PTK2B: variants seen among roughly 807,000 people sequenced by gnomAD.
PTK2B encodes the protein protein tyrosine kinase 2 beta.
PTK2B carries 71 observed loss-of-function variants against 142.9 expected under a neutral mutation model. That is an observed-to-expected ratio of 0.50 (90% CI 0.41 to 0.61). The LOEUF (loss-of-function observed/expected upper bound fraction) is 0.61, where lower values mean the gene tolerates loss of function less well. PTK2B is among the 20% of genes least tolerant of loss of function. PTK2B has a pLI of 0.00. For missense variants in PTK2B, 1,105 were observed against 1,320.4 expected, an observed-to-expected ratio of 0.84 and a Z score of 2.53; for synonymous variants, 519 against 503.4, an observed-to-expected ratio of 1.03 and a Z score of -0.42.
intron 1 of PTK2B, among the ~76,000 whole-genome samples, chr8:27,331,611 C>A (rs538088495): frequency 6.6e-6 from 1 of 152,018 alleles, no homozygotes; most frequent in Admixed American, 6.5e-5. Context: ...CTCAGCTTCC[C>A]GAGTAGCTGA....
chr8:27,383,307 T>C (rs1807142779), intron 1 of PTK2B, among the ~76,000 whole-genome samples: 1 of 152,092 alleles, frequency 6.6e-6, no homozygotes, highest in African/African-American at 2.4e-5. Flanking sequence ...AGTGCTGTGG[T>C]GCAATCGTGG....
At chr8:27,456,644 A>G (rs1812158712) in intron 30 of PTK2B, among the ~76,000 whole-genome samples, 1 of 152,220 alleles carries the variant, frequency 6.6e-6, no homozygotes, top group Non-Finnish European at 1.5e-5. Flanking sequence ...TTAAATCAAA[A>G]GCTAGAAATG....
At chr8:27,353,179 A>G (rs1321969090) in intron 1 of PTK2B, among the ~76,000 whole-genome samples, 1 of 152,208 alleles carries the variant, frequency 6.6e-6, no homozygotes, top group Non-Finnish European at 1.5e-5. Flanking sequence ...AGCGTCCACT[A>G]CAGAAGAGAC....
At chr8:27,377,934 T>C (rs73681111) in intron 1 of PTK2B, among the ~76,000 whole-genome samples, 170 of 152,286 alleles carry the variant, frequency 1.1e-3, no homozygotes, top group African/African-American at 4.0e-3. Context: ...AAGGGATTAC[T>C]TGAAAGCTAG....
chr8:27,453,593 G>A (rs1436964148), intron 28 of PTK2B, among the ~76,000 whole-genome samples: 1 of 152,204 alleles, frequency 6.6e-6, no homozygotes, highest in Non-Finnish European at 1.5e-5. Flanking sequence ...GAAACTCTCT[G>A]CATAGGCCAG....
Position 27,420,659 on chromosome 8 carries a change from A to G in PTK2B, c.386A>G (p.Tyr129Cys), listed in dbSNP as rs1472455315. 1.2e-6 allele frequency: 2 copies of G among 1,613,658 alleles called. No homozygotes were observed. The highest frequency in any genetic ancestry group is 1.7e-5 in the Admixed American group (1 of 60,030). The change falls in exon 4 of 31, where the codon TAT becomes TGT. Residue 129 changes from tyrosine to cysteine, a missense_variant and splice_region_variant. Tyr to Cys is a radical substitution (Grantham distance 194, BLOSUM62 -2). Transcript: ENST00000346049. ...ECLHVEAEWRYDLQIRYLPED... is the reference protein window; with the variant it reads ...ECLHVEAEWRCDLQIRYLPED... ...AGAGCCTGAATGTCTTGTTGCAGGT[A>G]TGACCTTCAAATCCGCTACTTGCCA...
chr8:27,430,795 A>C, intron 7 of PTK2B, 81 bp from the exon 8 acceptor site: 2 of 1,527,810 alleles, frequency 1.3e-6, no homozygotes, highest in Middle Eastern at 1.8e-4. Flanking sequence ...AGCAGTGGGC[A>C]GTCTCTCAGC....
At chr8:27,444,390 G>T (rs1811340124) in intron 23 of PTK2B, 119 bp downstream of exon 23, 2 of 1,127,172 alleles carry the variant, frequency 1.8e-6, no homozygotes, top group Non-Finnish European at 1.3e-6. Context: ...GATGGCCTAG[G>T]TTGACTCTTC....
intron 24 of PTK2B, 63 bp downstream of exon 24, chr8:27,445,982 G>A (rs1035008361): frequency 3.9e-5 from 62 of 1,599,410 alleles, no homozygotes; most frequent in East Asian, 6.7e-5. Flanking sequence ...GGAGGTGGCC[G>A]GGGACACTGG....
At chr8:27,439,462 G>A in intron 20 of PTK2B, 64 bp downstream of exon 20, 1 of 1,524,784 alleles carries the variant, frequency 6.6e-7, no homozygotes, top group South Asian at 1.1e-5. Context: ...CCAGGCTAAG[G>A]GGGTGGGTGC....
intron 1 of PTK2B, among the ~76,000 whole-genome samples, chr8:27,356,106 A>G (rs565435660): frequency 9.9e-5 from 15 of 152,248 alleles, no homozygotes; most frequent in African/African-American, 1.4e-4. Flanking sequence ...TGGTGGCTCT[A>G]TCTCTATTAT....
intron 2 of PTK2B, among the ~76,000 whole-genome samples, chr8:27,412,489 C>A (rs1426120608): frequency 6.6e-6 from 1 of 152,142 alleles, no homozygotes; most frequent in African/African-American, 2.4e-5. Context: ...TTATGATACA[C>A]CATCAGTAAC....
chr8:27,391,886 A>G (rs1437762184), intron 1 of PTK2B, among the ~76,000 whole-genome samples: 1 of 152,222 alleles, frequency 6.6e-6, no homozygotes, highest in Non-Finnish European at 1.5e-5. Flanking sequence ...TTTGGGGGCC[A>G]GGAGGCAAAC....
intron 5 of PTK2B, among the ~76,000 whole-genome samples, chr8:27,425,747 T>C (rs986462824): frequency 6.6e-6 from 1 of 152,254 alleles, no homozygotes; most frequent in Non-Finnish European, 1.5e-5. Context: ...GTAGTTTCAC[T>C]GCCCTAAAAT....
intron 1 of PTK2B, among the ~76,000 whole-genome samples, chr8:27,340,913 G>C (rs1804357343): frequency 6.6e-6 from 1 of 152,222 alleles, no homozygotes; most frequent in South Asian, 2.1e-4. Flanking sequence ...AGTGGGGAGG[G>C]GGGCAGACAG....
intron 1 of PTK2B, among the ~76,000 whole-genome samples, chr8:27,334,156 C>G (rs1330604194): frequency 6.6e-6 from 1 of 152,102 alleles, no homozygotes; most frequent in African/African-American, 2.4e-5. Flanking sequence ...TTCTATGGCC[C>G]CTACTCTGAC....
intron 27 of PTK2B, chr8:27,452,893 C>T: frequency 1.7e-6 from 1 of 587,978 alleles, no homozygotes; most frequent in South Asian, 2.4e-5. Flanking sequence ...TGGGACTTTG[C>T]CTTTTTCTTC....
At chr8:27,415,865 A>G (rs1308938098) in intron 2 of PTK2B, among the ~76,000 whole-genome samples, 1 of 152,222 alleles carries the variant, frequency 6.6e-6, no homozygotes, top group Non-Finnish European at 1.5e-5. Flanking sequence ...ATAAAACATT[A>G]CTAAAAGAAA....
chr8:27,311,044 C>G (rs142139999), upstream of PTK2B: 5 of 1,599,864 alleles, frequency 3.1e-6, no homozygotes, highest in East Asian at 9.1e-5. Context: ...CGGCGGGTGA[C>G]GCGCGGTCTT....
Sources: gnomAD v4.1 joint callset for allele counts (sites outside exome capture counted in the v4.1 genomes callset) on GRCh38, gnomAD v4.1.1 for gene constraint, MANE v1.5 for transcripts, NCBI Gene and HGNC (gene_info 2026-07-23, HGNC 2026-07-21) for gene names.